Variants in ENPP3 observed in about 807,000 individuals in gnomAD.
ENPP3 encodes ectonucleotide pyrophosphatase/phosphodiesterase 3.
A neutral mutation model predicts 117.8 loss-of-function variants in ENPP3; 104 were observed. That is an observed-to-expected ratio of 0.88 (90% confidence interval 0.75 to 1.04). ENPP3 has a LOEUF of 1.04. ENPP3 is among the 50% of genes least tolerant of loss of function. ENPP3 has a pLI of 0.00. For missense variants in ENPP3, 1,026 were observed against 1,051.9 expected (o/e 0.98, Z 0.34); for synonymous variants, 380 against 349.9 (o/e 1.09, Z -0.96).
intron 5 of ENPP3, 42 bp from the exon 6 acceptor site, chr6:131,658,281 A>G: frequency 9.8e-7 from 1 of 1,018,812 alleles, no homozygotes. Flanking sequence ...AGGTAAATGT[A>G]GCTATCCAAA....
In ENPP3 at chr6:131,718,713, A is replaced by C; in HGVS notation, c.1454A>C (p.Tyr485Ser). 1 of 1,605,712 alleles carries C rather than the reference A, an allele frequency of 6.2e-7. No homozygotes were observed. The highest frequency in any genetic ancestry group is 8.5e-7 in the Non-Finnish European group (1 of 1,174,622). The change falls in exon 16 of 25, where the codon TAT becomes TCT. Residue 485 changes from tyrosine (Y) to serine (S), a missense_variant. By Grantham distance (144) the Tyr-to-Ser change is moderately radical. Coordinates refer to ENST00000357639, the MANE Select transcript of ENPP3 (RefSeq NM_005021.5). ...NTNCGGGNHG[Y>S]NNEFRSMEAI... Reference sequence around the variant, plus strand: ...AATTGTGGAGGAGGCAACCATGGTTATAACAATGAGTTTAGGAGCATGGAG... The same window carrying C: ...AATTGTGGAGGAGGCAACCATGGTTCTAACAATGAGTTTAGGAGCATGGAG...
Position 131,683,088 on chromosome 6 carries a change from T to C in ENPP3, c.1046T>C (p.Phe349Ser). ...IKALQVVDHA[F>S]GMLMEGLKQR... ...GCCTTACAGGTAGTAGATCATGCTT[T>C]TGGGATGTTGATGGAAGGCCTGAAG... is the stretch of plus-strand genomic sequence containing the variant. The change falls in exon 12 of 25, where the codon TTT (phenylalanine) becomes TCT (serine). Residue 349 changes from phenylalanine (F) to serine (S), a missense_variant. Coordinates refer to ENST00000357639, the MANE Select transcript of ENPP3 (RefSeq NM_005021.5). 6.2e-7 allele frequency: 1 copy of C among 1,612,066 alleles called. No individual in the cohort carries two copies. The highest frequency in any genetic ancestry group is 8.5e-7 in the Non-Finnish European group (1 of 1,178,212).
rs1052226532 is a variant in ENPP3 at position 131,671,261 on chromosome 6, T to C, written c.576T>C (p.Ile192=). The change falls in exon 7 of 25, where the codon ATT becomes ATC. Residue 192 remains isoleucine (I), a synonymous_variant. Transcript: ENST00000357639. ...PNINKLKTCG[I]HSKYMRAMYP... ...ATTCTGTTGCAGAAACATGTGGAAT[T>C]CATTCAAAATACATGAGAGCTATGT... 3 of 1,591,404 alleles carry C rather than the reference T, an allele frequency of 1.9e-6. No homozygotes were observed. The highest frequency in any genetic ancestry group is 1.7e-4 in the Middle Eastern group (1 of 6,024).
intron 6 of ENPP3, among the ~76,000 whole-genome samples, chr6:131,669,547 A>C (rs1479905989): frequency 6.7e-6 from 1 of 149,848 alleles, no homozygotes; most frequent in Non-Finnish European, 1.5e-5. Flanking sequence ...GGTGGCAGGC[A>C]CCTGTAGTCC....
At chr6:131,666,113 G>A (rs184546599) in intron 6 of ENPP3, among the ~76,000 whole-genome samples, 55 of 151,838 alleles carry the variant, frequency 3.6e-4, no homozygotes, top group Admixed American at 1.4e-3. Flanking sequence ...GACTTGTTCT[G>A]TGATCTAATA....
Position 131,700,701 on chromosome 6 carries a change from C to T in ENPP3, c.1412+7077C>T. The stretch of plus-strand genomic sequence containing the variant: ...GGAGAAGCAGGTGCGGAAGGCTTTC[C>T]TCTGAACTTCCCTTGATTGGATCTG... On this transcript the variant is annotated intron_variant, in intron 15 of 24. Transcript: ENST00000357639. The T allele has an allele frequency of 8.3e-6, 13 of 1,558,758 alleles. 2 individuals carry two copies. The highest frequency in any genetic ancestry group is 1.1e-5 in the Non-Finnish European group (13 of 1,165,922).
In ENPP3 at chr6:131,637,453, A is replaced by G. The variant is rs756168612; in HGVS notation, c.69A>G (p.Ile23Met). The change falls in exon 1 of 25, where the codon ATA becomes ATG. Residue 23 changes from isoleucine to methionine, a missense_variant. Ile to Met is a conservative substitution (Grantham distance 10, BLOSUM62 1). Coordinates refer to ENST00000357639, the MANE Select transcript of ENPP3 (RefSeq NM_005021.5). ...AGAACACTCTTAAGAAATATAAAAT[A>G]GCTTGCATTGTAAGTACAATTCTTA... Reference protein sequence around the residue: ...VKKNTLKKYKIACIVLLALLV... With the variant: ...VKKNTLKKYKMACIVLLALLV... 48 of 1,560,912 alleles carry G rather than the reference A, an allele frequency of 3.1e-5. No homozygotes were observed. Among genetic ancestry groups the G allele is most frequent in the Non-Finnish European group, 4.2e-5 (48 of 1,141,838 alleles).
At chr6:131,701,351 G>C in intron 15 of ENPP3, 2 of 1,613,672 alleles carry the variant, frequency 1.2e-6, no homozygotes, top group Admixed American at 1.7e-5. Context: ...TTGGGCCAAC[G>C]GGAAATCCCA....
chr6:131,738,692 A>C (rs995872638), intron 23 of ENPP3, among the ~76,000 whole-genome samples: 1 of 152,186 alleles, frequency 6.6e-6, no homozygotes, highest in Non-Finnish European at 1.5e-5. Flanking sequence ...AAGCCTGGTC[A>C]TAACAGGTTG....
chr6:131,648,463 T>A lies in ENPP3; in HGVS notation c.155-1564T>A, dbSNP rs187594794. On this transcript the variant is annotated intron_variant, in intron 2 of 24. Coordinates refer to ENST00000357639, the MANE Select transcript of ENPP3 (RefSeq NM_005021.5). Reference sequence around the variant, plus strand: ...GCTGGCCAGTTGTCCCATTACTATGTGTTATTCACTGTTACTTTGCAGTTA... The same window carrying A: ...GCTGGCCAGTTGTCCCATTACTATGAGTTATTCACTGTTACTTTGCAGTTA... 8.8e-3 allele frequency among the ~76,000 whole-genome samples: 1,332 copies of A among 152,206 alleles called. 12 individuals carry two copies. The highest frequency in any genetic ancestry group is 0.013 in the Non-Finnish European group (875 of 67,996).
chr6:131,690,502 G>T (rs535263529), intron 14 of ENPP3, among the ~76,000 whole-genome samples: 31 of 152,304 alleles, frequency 2.0e-4, no homozygotes, highest in Middle Eastern at 3.4e-3. Flanking sequence ...ACATAGTGCT[G>T]TTGCACACTT....
intron 15 of ENPP3, among the ~76,000 whole-genome samples, chr6:131,695,221 C>A (rs975581798): frequency 6.6e-6 from 1 of 151,970 alleles, no homozygotes; most frequent in African/African-American, 2.4e-5. Context: ...AATATATGTC[C>A]AAGTTGGGGT....
chr6:131,747,096 C>CT lies in ENPP3; in HGVS notation c.*145dup. 4.2e-6 allele frequency: 2 copies of CT among 478,074 alleles called. No homozygotes were observed. Among genetic ancestry groups the CT allele is most frequent in the Non-Finnish European group, 7.2e-6 (2 of 276,824 alleles). The allele number at this position is 478,074 out of a possible 1,614,324, so 29.6% of individuals were successfully genotyped here. A position where few individuals can be genotyped will look rare whatever the true frequency, so the allele number is the denominator to read the frequency against. On this transcript the variant is annotated 3_prime_UTR_variant, in exon 25 of 25. Transcript: ENST00000357639. ...CTAAAAGCCATAATTTTTATTATTC[C>CT]TTTTTCTCTTTTTTCAATTCTATGA... is the stretch of plus-strand genomic sequence containing the variant.
intron 23 of ENPP3, among the ~76,000 whole-genome samples, chr6:131,739,339 T>C (rs754261864): frequency 6.6e-6 from 1 of 152,222 alleles, no homozygotes; most frequent in African/African-American, 2.4e-5. Flanking sequence ...ACATCAGTTG[T>C]ATGGATTTAT....
At chr6:131,688,470 A>T (rs1326267995) in intron 14 of ENPP3, among the ~76,000 whole-genome samples, 1 of 152,254 alleles carries the variant, frequency 6.6e-6, no homozygotes, top group African/African-American at 2.4e-5. Flanking sequence ...TGTTGCATCA[A>T]ACAGTTAGCC....
chr6:131,677,740 A>AAGG, intron 10 of ENPP3, 128 bp from the exon 11 acceptor site: 3 of 619,512 alleles, frequency 4.8e-6, no homozygotes, highest in Non-Finnish European at 8.7e-6. Context: ...GGGTCTGAAC[A>AAGG]AGGAGGAGGA....
At position 131,685,890 on chromosome 6, in the gene ENPP3, A is replaced by G; in HGVS notation, c.1267A>G (p.Ile423Val). The change falls in exon 14 of 25, where the codon ATT (isoleucine) becomes GTT (valine). Residue 423 changes from isoleucine to valine, a missense_variant. Coordinates refer to ENST00000357639, the MANE Select transcript of ENPP3 (RefSeq NM_005021.5). Reference protein sequence around the residue: ...HDFFSFNSEEIVRNLSCRKPD... With the variant: ...HDFFSFNSEEVVRNLSCRKPD... The stretch of plus-strand genomic sequence containing the variant: ...TTTTGAAACAGTTAATTCTGAGGAA[A>G]TTGTTAGAAACCTCAGTGTAAGTAT... 1.1e-6 allele frequency: 1 copy of G among 949,230 alleles called. No homozygotes were observed. 58.8% of individuals were successfully genotyped at this position (949,230 alleles called of 1,614,324 possible).
chr6:131,659,979 G>A (rs1327968798), intron 6 of ENPP3, among the ~76,000 whole-genome samples: 3 of 152,096 alleles, frequency 2.0e-5, no homozygotes, highest in Admixed American at 6.6e-5. Context: ...AGAGCTTTCT[G>A]CTTTTGATGT....
intron 15 of ENPP3, chr6:131,701,237 G>C (rs778552329): frequency 7.2e-7 from 1 of 1,383,614 alleles, no homozygotes; most frequent in African/African-American, 1.9e-5. Flanking sequence ...ACATGGGGGC[G>C]TGCAGTCTGG....
Sources: gnomAD v4.1 joint callset for allele counts (sites outside exome capture counted in the v4.1 genomes callset) on GRCh38, gnomAD v4.1.1 for gene constraint, MANE v1.5 for transcripts, NCBI Gene and HGNC (gene_info 2026-07-23, HGNC 2026-07-21) for gene names.